Variants in ANKRD33B observed in about 807,000 individuals in gnomAD.
ANKRD33B encodes ankyrin repeat domain-containing protein 33B.
ANKRD33B carries 6 observed loss-of-function variants against 21.5 expected under a neutral mutation model. The observed-to-expected ratio is 0.28, with a 90% CI of 0.15 to 0.55. ANKRD33B has a LOEUF of 0.55. Ranked by LOEUF, ANKRD33B falls within the 20% of genes least tolerant of loss-of-function variation. The pLI is 0.94. For missense variants in ANKRD33B, 698 were observed against 747.2 expected (o/e 0.93, Z 0.77); for synonymous variants, 347 against 342.4 (o/e 1.01, Z -0.15).
chr5:10,647,713 C>T (rs925601763), intron 3 of ANKRD33B, among the ~76,000 whole-genome samples: 5 of 152,014 alleles, frequency 3.3e-5, no homozygotes, highest in Admixed American at 6.6e-5. Context: ...GAAACTGGTG[C>T]GGTAGGCTCG....
chr5:10,612,706 A>G (rs1387187934), intron 1 of ANKRD33B, among the ~76,000 whole-genome samples: 1 of 152,144 alleles, frequency 6.6e-6, no homozygotes, highest in Admixed American at 6.5e-5. Context: ...TTTATCCTGG[A>G]TGCCCACCCC....
intron 2 of ANKRD33B, among the ~76,000 whole-genome samples, chr5:10,621,191 G>A (rs1053778947): frequency 6.6e-6 from 1 of 152,144 alleles, no homozygotes; most frequent in Non-Finnish European, 1.5e-5. Context: ...ACACCAAAGT[G>A]TTCCACATTC....
chr5:10,637,887 G>T, intron 2 of ANKRD33B, 141 bp from the exon 3 acceptor site: 1 of 931,032 alleles, frequency 1.1e-6, no homozygotes, highest in Non-Finnish European at 1.6e-6. Context: ...ATTCTGTCTT[G>T]GGGTCCGAGA....
At chr5:10,628,449 T>G (rs914382549) in intron 2 of ANKRD33B, among the ~76,000 whole-genome samples, 1 of 152,162 alleles carries the variant, frequency 6.6e-6, no homozygotes, top group Non-Finnish European at 1.5e-5. Flanking sequence ...CCCAAAGTGC[T>G]GGGATTACAG....
chr5:10,602,366 CAA>C (rs1735952587), intron 1 of ANKRD33B, among the ~76,000 whole-genome samples: 1 of 152,206 alleles, frequency 6.6e-6, no homozygotes, highest in African/African-American at 2.4e-5. Flanking sequence ...TATGAGTGGC[CAA>C]AGTCAAACCT....
chr5:10,598,736 T>C (rs962530673), intron 1 of ANKRD33B, among the ~76,000 whole-genome samples: 2 of 152,156 alleles, frequency 1.3e-5, no homozygotes, highest in Non-Finnish European at 1.5e-5. Context: ...CTACTACACC[T>C]GGCCAATCAT....
intron 1 of ANKRD33B, among the ~76,000 whole-genome samples, chr5:10,570,633 C>T (rs1161917356): frequency 6.6e-6 from 1 of 152,184 alleles, no homozygotes; most frequent in Non-Finnish European, 1.5e-5. Flanking sequence ...TCCTAGCTCA[C>T]TGAGCCTTGA....
At position 10,620,316 on chromosome 5, in the gene ANKRD33B, A is replaced by G. The variant is rs562888981; in HGVS notation, c.496+1854A>G. Among the ~76,000 whole-genome samples, 8 of 152,248 alleles carry G rather than the reference A, an allele frequency of 5.3e-5. No individual in the cohort carries two copies. In the East Asian group the frequency reaches 1.5e-3, roughly 29 times the overall value. The stretch of plus-strand genomic sequence containing the variant: ...GGATAACACCAACTGCAAAGGGCAT[A>G]TAAGTAAAAGAAGATGAATGGGAGG... On this transcript the variant is annotated intron_variant, in intron 2 of 3. Transcript: ENST00000296657.
At chr5:10,632,423 C>T (rs1264275986) in intron 2 of ANKRD33B, among the ~76,000 whole-genome samples, 1 of 152,192 alleles carries the variant, frequency 6.6e-6, no homozygotes, top group African/African-American at 2.4e-5. Flanking sequence ...GTGTCCACCT[C>T]TTTGTGTCCC....
rs1179130531 is a variant in ANKRD33B, at chr5:10,655,544, A to G, written c.*5431A>G. 1 of 150,432 alleles carries G rather than the reference A, an allele frequency of 6.6e-6. No individual in the cohort carries two copies. Among genetic ancestry groups the G allele is most frequent in the Non-Finnish European group, 1.5e-5 (1 of 67,634 alleles). The allele number at this position is 150,432 out of a possible 1,614,324, so 9.3% of individuals were successfully genotyped here. On this transcript the variant is annotated 3_prime_UTR_variant, in exon 4 of 4. Coordinates refer to ENST00000296657, the MANE Select transcript of ANKRD33B (RefSeq NM_001164440.2). The stretch of plus-strand genomic sequence containing the variant: ...ACAGCCCTGATGTGCACCCTGCACT[A>G]CTCTTTCCCCAGGTGCGCCGGAGAC...
In ANKRD33B at chr5:10,579,164, CAA is replaced by C. The variant is rs10717188; in HGVS notation, c.366+14347_366+14348del. ...GGGCAAGGGAAGTGATACTGTGTCT[CAA>C]AAAAAAAAAAAAAAAGATACTCTCT... On this transcript the variant is annotated intron_variant, in intron 1 of 3. Transcript: ENST00000296657. Among the ~76,000 whole-genome samples the C allele has an allele frequency of 3.6e-3, 414 of 115,472 alleles. 1 individual carries two copies. Among genetic ancestry groups the C allele is most frequent in the South Asian group, 8.4e-3 (30 of 3,552 alleles). The allele number at this position is 115,472 out of a possible 152,430, so 75.8% of individuals were successfully genotyped here.
intron 2 of ANKRD33B, among the ~76,000 whole-genome samples, chr5:10,628,518 G>C (rs1736633119): frequency 6.6e-6 from 1 of 151,578 alleles, no homozygotes. Context: ...ATGGGATCTT[G>C]CCATGTTGCC....
At chr5:10,601,884 C>T (rs367996819) in intron 1 of ANKRD33B, among the ~76,000 whole-genome samples, 51 of 152,334 alleles carry the variant, frequency 3.3e-4, no homozygotes, top group African/African-American at 1.2e-3. Context: ...GCTGCCATTT[C>T]CCCCCATGGG....
At chr5:10,622,949 T>C (rs1367628961) in intron 2 of ANKRD33B, among the ~76,000 whole-genome samples, 2 of 152,182 alleles carry the variant, frequency 1.3e-5, no homozygotes, top group Non-Finnish European at 2.9e-5. Context: ...GGGCTCCAGC[T>C]GATTTCCATC....
chr5:10,609,455 G>A (rs959979338), intron 1 of ANKRD33B, among the ~76,000 whole-genome samples: 1 of 152,204 alleles, frequency 6.6e-6, no homozygotes, highest in Admixed American at 6.5e-5. Context: ...GGGAGGCTGA[G>A]GGGGGAGGAT....
At chr5:10,588,240 T>C (rs961831309) in intron 1 of ANKRD33B, among the ~76,000 whole-genome samples, 1 of 152,258 alleles carries the variant, frequency 6.6e-6, no homozygotes, top group Non-Finnish European at 1.5e-5. Context: ...TTTAGCGACA[T>C]TTAATATAAT....
chr5:10,619,317 G>T lies in ANKRD33B; in HGVS notation c.496+855G>T. 1.0e-6 allele frequency: 1 copy of T among 985,458 alleles called. No individual in the cohort carries two copies. The highest frequency in any genetic ancestry group is 1.2e-6 in the Non-Finnish European group (1 of 829,940). 61.0% of individuals were successfully genotyped at this position (985,458 alleles called of 1,614,324 possible). A position where few individuals can be genotyped will look rare whatever the true frequency, so the allele number is the denominator to read the frequency against. On this transcript the variant is annotated intron_variant, in intron 2 of 3. Transcript: ENST00000296657. This position sits in a 1 kb window ranked among gnomAD's most constrained non-coding sequence, Gnocchi z 4.5. ...GGAAGGAGGGGAAGCTTACACGGTT[G>T]TCGGGTTGTTGAGAATCCCACTCAG...
intron 1 of ANKRD33B, among the ~76,000 whole-genome samples, chr5:10,607,400 G>A (rs904439590): frequency 3.9e-5 from 6 of 152,180 alleles, no homozygotes; most frequent in Non-Finnish European, 8.8e-5. Flanking sequence ...ATCGTCCACC[G>A]TCTCTCGAAA....
At chr5:10,608,662 GAA>G (rs35432250) in intron 1 of ANKRD33B, among the ~76,000 whole-genome samples, 5 of 145,032 alleles carry the variant, frequency 3.4e-5, no homozygotes, top group Non-Finnish European at 7.6e-5. Context: ...ACCTCACTAT[GAA>G]AAAAAAAAAA....
Sources: allele counts gnomAD v4.1 joint callset (sites outside exome capture counted in the v4.1 genomes callset), GRCh38; gene constraint gnomAD v4.1.1; non-coding constraint Gnocchi (gnomAD v3.1); transcripts MANE v1.5; gene names NCBI Gene and HGNC (gene_info 2026-07-23, HGNC 2026-07-21).